Variants in ZIC5 observed in about 807,000 individuals in gnomAD.
ZIC5 encodes Zic family zinc finger 5.
In ZIC5, 20 loss-of-function variants were observed where a neutral mutation model predicts 28.5. That is an observed-to-expected ratio of 0.70 (90% CI 0.49 to 1.02). The LOEUF is 1.02. ZIC5 is among the 50% of genes least tolerant of loss of function. The pLI is 0.00. For synonymous variants in ZIC5, 488 were observed against 410.4 expected, an observed-to-expected ratio of 1.19 and a Z score of -2.29; for missense variants, 951 against 899.7, an observed-to-expected ratio of 1.06 and a Z score of -0.73.
chr13:99,970,009 C>A, intron 1 of ZIC5, 118 bp downstream of exon 1: 1 of 1,477,212 alleles, frequency 6.8e-7, no homozygotes. Context: ...CGAAGAGAAG[C>A]AGCAGAAGGA....
chr13:99,971,680 G>A lies in ZIC5; in HGVS notation c.-77C>T. 1 of 1,553,516 alleles carries A rather than the reference G, an allele frequency of 6.4e-7. No individual in the cohort carries two copies. The highest frequency in any genetic ancestry group is 8.7e-7 in the Non-Finnish European group (1 of 1,147,894). On this transcript the variant is annotated 5_prime_UTR_variant, in exon 1 of 2. Coordinates refer to ENST00000267294, the MANE Select transcript of ZIC5 (RefSeq NM_033132.5). The stretch of plus-strand genomic sequence containing the variant: ...TCTGCCCGCCTTCAAAAACATGTAT[G>A]TATTGGGCGCTCTTTAACTTCTTTT...
rs2152151254 is a variant in ZIC5 at position 99,963,335 on chromosome 13, A to G, written c.*2042T>C. 2.0e-5 allele frequency: 3 copies of G among 152,708 alleles called. 1 individual carries two copies. In the South Asian group the frequency reaches 6.2e-4, roughly 32 times the overall value. The allele number at this position is 152,708 out of a possible 1,614,324, so 9.5% of individuals were successfully genotyped here. ...ATAAATTATCCCCCCAAAAGTTCAT[A>G]CCTTTTCTATTTGAAAGGGCTTTGA... On this transcript the variant is annotated 3_prime_UTR_variant, in exon 2 of 2. Coordinates refer to ENST00000267294, the MANE Select transcript of ZIC5 (RefSeq NM_033132.5).
Position 99,970,787 on chromosome 13 carries a change from A to G in ZIC5, c.817T>C (p.Tyr273His). Residue 273 changes from tyrosine to histidine, a missense_variant, in exon 1 of 2, where the codon TAC (tyrosine) becomes CAC (histidine). Tyr to His is a moderately conservative substitution (Grantham distance 83). This residue lies in a region of ZIC5 where 784 missense variants were observed against 660.1 expected (regional missense o/e 1.19). Transcript: ENST00000267294. ...AAAAAAAAEL[Y>H]GRAEPPFAPR... ...GCGAAGGGCGGTTCGGCGCGGCCGT[A>G]CAGCTCAGCCGCCGCGGCTGCCGCT... is the stretch of plus-strand genomic sequence containing the variant. 1.7e-6 allele frequency: 2 copies of G among 1,194,056 alleles called. No homozygotes were observed. The highest frequency in any genetic ancestry group is 2.1e-6 in the Non-Finnish European group (2 of 967,916). 74.0% of individuals were successfully genotyped at this position (1,194,056 alleles called of 1,614,324 possible).
Position 99,965,307 on chromosome 13 carries a change from T to A in ZIC5, c.*70A>T. ...TCACGGGTTTGTCTCAGGCTCGGCATTGTCTCAGGTTAGGATGTGGTCCAA... is the reference window on the plus strand; with the variant it reads ...TCACGGGTTTGTCTCAGGCTCGGCAATGTCTCAGGTTAGGATGTGGTCCAA... On this transcript the variant is annotated 3_prime_UTR_variant, in exon 2 of 2. Transcript: ENST00000267294. 3.4e-6 allele frequency: 5 copies of A among 1,455,994 alleles called. No individual in the cohort carries two copies. Among genetic ancestry groups the A allele is most frequent in the Non-Finnish European group, 4.6e-6 (5 of 1,083,256 alleles). 90.2% of individuals were successfully genotyped at this position (1,455,994 alleles called of 1,614,324 possible).
At position 99,970,538 on chromosome 13, in the gene ZIC5, C is replaced by G; in HGVS notation, c.1066G>C (p.Ala356Pro). Residue 356 changes from alanine (A) to proline (P), a missense_variant, in exon 1 of 2, where the codon GCG becomes CCG. Ala to Pro is a conservative substitution (Grantham distance 27). Coordinates refer to ENST00000267294, the MANE Select transcript of ZIC5 (RefSeq NM_033132.5). ...ATGTAGCGCAGGAAGGCCCCAGCCG[C>G]CCCTGGGAGGTGGGGGTGGTGCTGG... ...PHQHHPHLPG[A>P]AGAFLRYMRQ... is the part of the protein sequence containing the mutation. 1 of 1,103,210 alleles carries G rather than the reference C, an allele frequency of 9.1e-7. No individual in the cohort carries two copies. Among genetic ancestry groups the G allele is most frequent in the Non-Finnish European group, 1.1e-6 (1 of 902,156 alleles). 68.3% of individuals were successfully genotyped at this position (1,103,210 alleles called of 1,614,324 possible).
In ZIC5 at chr13:99,965,013, A is replaced by ATATATATG. The variant is rs2053086450; in HGVS notation, c.*356_*363dup. On this transcript the variant is annotated 3_prime_UTR_variant, in exon 2 of 2. Transcript: ENST00000267294. ...CCCCCTTTTAAAAAAAATAATATAT[A>ATATATATG]TATATATGTATATATATATATATAT... The ATATATATG allele has an allele frequency of 8.2e-6, 1 of 121,274 alleles. No individual in the cohort carries two copies. The highest frequency in any genetic ancestry group is 7.8e-5 in the Admixed American group (1 of 12,800). 7.5% of individuals were successfully genotyped at this position (121,274 alleles called of 1,614,324 possible).
At position 99,971,172 on chromosome 13, in the gene ZIC5, C is replaced by T; in HGVS notation, c.432G>A (p.Pro144=). ...CCGAGAGGGCAGGAGGAGGAGGAGG[C>T]GGGGGAGGGGGAGGGGGTGAAGGGG... ...PPTPSPPPPP[P]PPPPPALSGY... Residue 144 remains proline, a synonymous_variant, in exon 1 of 2, where the codon CCG becomes CCA. Transcript: ENST00000267294. The T allele has an allele frequency of 9.7e-6, 3 of 310,202 alleles. No homozygotes were observed. Among genetic ancestry groups the T allele is most frequent in the South Asian group, 7.1e-5 (1 of 14,152 alleles). 19.2% of individuals were successfully genotyped at this position (310,202 alleles called of 1,614,324 possible).
chr13:99,968,541 G>A (rs1279696772), intron 1 of ZIC5, among the ~76,000 whole-genome samples: 1 of 152,044 alleles, frequency 6.6e-6, no homozygotes, highest in Admixed American at 6.5e-5. Flanking sequence ...TGCGCCCGCA[G>A]CTCCCGGCAG....
rs760598795 is a variant in ZIC5 at position 99,971,587 on chromosome 13, C to T, written c.17G>A (p.Ser6Asn). ...TCTCAGCGCTGGCGGGTTCCTCTTGCTCAAAGGGGGCTCCATCAGAACTAC... is the reference window on the plus strand; with the variant it reads ...TCTCAGCGCTGGCGGGTTCCTCTTGTTCAAAGGGGGCTCCATCAGAACTAC... MEPPL[S>N]KRNPPALRLA... The change falls in exon 1 of 2, where the codon AGC becomes AAC. Residue 6 changes from serine to asparagine, a missense_variant. Coordinates refer to ENST00000267294, the MANE Select transcript of ZIC5 (RefSeq NM_033132.5). 6 of 1,554,706 alleles carry T rather than the reference C, an allele frequency of 3.9e-6. No homozygotes were observed. Among genetic ancestry groups the T allele is most frequent in the South Asian group, 1.2e-5 (1 of 84,320 alleles).
chr13:99,970,800 C>CGCGGCT lies in ZIC5; in HGVS notation c.798_803dup (p.Ala269_Ala270dup), dbSNP rs1376601587. 3 of 1,199,504 alleles carry CGCGGCT rather than the reference C, an allele frequency of 2.5e-6. No homozygotes were observed. Among genetic ancestry groups the CGCGGCT allele is most frequent in the African/African-American group, 1.6e-5 (1 of 61,940 alleles). 74.3% of individuals were successfully genotyped at this position (1,199,504 alleles called of 1,614,324 possible). Reference sequence around the variant, plus strand: ...CGGCGCGGCCGTACAGCTCAGCCGCCGCGGCTGCCGCTGCCGCCGCCAGCC... The same window carrying CGCGGCT: ...CGGCGCGGCCGTACAGCTCAGCCGCCGCGGCTGCGGCTGCCGCTGCCGCCGCCAGCC... On this transcript the variant is annotated inframe_insertion, in exon 1 of 2. Transcript: ENST00000267294.
At chr13:99,969,522 G>C (rs9585307) in intron 1 of ZIC5, among the ~76,000 whole-genome samples, 45,136 of 151,742 alleles carry the variant, frequency 0.3, 7,673 homozygotes, top group East Asian at 0.74. Flanking sequence ...CACGGTGGGC[G>C]AGTGCGAGTG....
chr13:99,964,045 T>G lies in ZIC5; in HGVS notation c.*1332A>C, dbSNP rs938631502. Reference sequence around the variant, plus strand: ...GAGTTATTGTCCTAGGTCCTTGACCTTTTTTATCCTAGCTTGACAGCTCTG... The same window carrying G: ...GAGTTATTGTCCTAGGTCCTTGACCGTTTTTATCCTAGCTTGACAGCTCTG... On this transcript the variant is annotated 3_prime_UTR_variant, in exon 2 of 2. Transcript: ENST00000267294. 1.3e-5 allele frequency: 2 copies of G among 152,552 alleles called. No individual in the cohort carries two copies. The highest frequency in any genetic ancestry group is 2.9e-5 in the Non-Finnish European group (2 of 68,006). 9.4% of individuals were successfully genotyped at this position (152,552 alleles called of 1,614,324 possible).
intron 1 of ZIC5, among the ~76,000 whole-genome samples, chr13:99,969,459 T>C (rs1201676136): frequency 1.4e-5 from 2 of 144,730 alleles, no homozygotes; most frequent in East Asian, 4.5e-4. Context: ...AGGATATGAG[T>C]GTGTAAAGTT....
chr13:99,965,026 T>C lies in ZIC5; in HGVS notation c.*351A>G, dbSNP rs1230622952. The C allele has an allele frequency of 6.9e-6, 1 of 145,598 alleles. No homozygotes were observed. Among genetic ancestry groups the C allele is most frequent in the Non-Finnish European group, 1.5e-5 (1 of 66,464 alleles). The allele number at this position is 145,598 out of a possible 1,614,324, so 9.0% of individuals were successfully genotyped here. A position where few individuals can be genotyped will look rare whatever the true frequency, so the allele number is the denominator to read the frequency against. On this transcript the variant is annotated 3_prime_UTR_variant, in exon 2 of 2. Coordinates refer to ENST00000267294, the MANE Select transcript of ZIC5 (RefSeq NM_033132.5). ...AAAATAATATATATATATATGTATATATATATATATATATATATTGCATCG... is the reference window on the plus strand; with the variant it reads ...AAAATAATATATATATATATGTATACATATATATATATATATATTGCATCG...
Position 99,971,302 on chromosome 13 carries a change from G to C in ZIC5, c.302C>G (p.Ala101Gly), listed in dbSNP as rs1180473490. ...PEAPAAAARAAALVAHPGAGS... is the reference protein window; with the variant it reads ...PEAPAAAARAGALVAHPGAGS... ...CGCGCCGGGGTGCGCGACCAAGGCT[G>C]CAGCACGGGCGGCGGCTGCCGGAGC... Residue 101 changes from alanine to glycine, a missense_variant, in exon 1 of 2, where the codon GCA (alanine) becomes GGA (glycine). Coordinates refer to ENST00000267294, the MANE Select transcript of ZIC5 (RefSeq NM_033132.5). 1 of 1,369,172 alleles carries C rather than the reference G, an allele frequency of 7.3e-7. No individual in the cohort carries two copies. The highest frequency in any genetic ancestry group is 1.5e-5 in the African/African-American group (1 of 65,074). The allele number at this position is 1,369,172 out of a possible 1,614,324, so 84.8% of individuals were successfully genotyped here.
chr13:99,971,248 C>G lies in ZIC5; in HGVS notation c.356G>C (p.Ser119Thr), dbSNP rs1328482204. 22 of 1,325,052 alleles carry G rather than the reference C, an allele frequency of 1.7e-5. No homozygotes were observed. In the East Asian group the frequency reaches 3.4e-4, roughly 21 times the overall value. The allele number at this position is 1,325,052 out of a possible 1,614,324, so 82.1% of individuals were successfully genotyped here. A position where few individuals can be genotyped will look rare whatever the true frequency, so the allele number is the denominator to read the frequency against. ...CGGGGGCGCGGAGGGCTGCGCGCCA[C>G]TGCTGCCCCCGCCGCAGGGGTAGCT... is the stretch of plus-strand genomic sequence containing the variant. ...AGSYPCGGGS[S>T]GAQPSAPPPP... The change falls in exon 1 of 2, where the codon AGT becomes ACT. Residue 119 changes from serine (S) to threonine (T), a missense_variant. This residue lies in a region of ZIC5 where 784 missense variants were observed against 660.1 expected (regional missense o/e 1.19). Coordinates refer to ENST00000267294, the MANE Select transcript of ZIC5 (RefSeq NM_033132.5).
Position 99,965,509 on chromosome 13 carries a change from G to A in ZIC5, c.1788C>T (p.Leu596=), listed in dbSNP as rs1202735343. The change falls in exon 2 of 2, where the codon CTC becomes CTT. Residue 596 remains leucine (L), a synonymous_variant. Transcript: ENST00000267294. ...TGGCCTGGCAAACGTACCACTCATTGAGGTTGGTCACCTGAGGGGACAGAG... is the reference window on the plus strand; with the variant it reads ...TGGCCTGGCAAACGTACCACTCATTAAGGTTGGTCACCTGAGGGGACAGAG... ...SSTLSPQVTN[L]NEWYVCQASG... is the part of the protein sequence containing the mutation. The A allele has an allele frequency of 5.6e-6, 9 of 1,613,914 alleles. No individual in the cohort carries two copies. The highest frequency in any genetic ancestry group is 4.4e-5 in the South Asian group (4 of 91,030).
chr13:99,968,448 CACGCACGCG>C (rs1566396972), intron 1 of ZIC5, among the ~76,000 whole-genome samples: 1 of 152,134 alleles, frequency 6.6e-6, no homozygotes, highest in East Asian at 1.9e-4. Context: ...CCCCCGACCC[CACGCACGCG>C]CGCGTGCCCC....
At chr13:99,968,066 G>C (rs765016943) in intron 1 of ZIC5, among the ~76,000 whole-genome samples, 1 of 152,234 alleles carries the variant, frequency 6.6e-6, no homozygotes, top group Non-Finnish European at 1.5e-5. Flanking sequence ...AAACGGGACT[G>C]GGGGCACGTG....
Sources: allele counts gnomAD v4.1 joint callset (sites outside exome capture counted in the v4.1 genomes callset), GRCh38; gene constraint gnomAD v4.1.1; regional missense constraint gnomAD v4.1.1; transcripts MANE v1.5; gene names NCBI Gene and HGNC (gene_info 2026-07-23, HGNC 2026-07-21).